The following ZC3H4 variants were observed in gnomAD, a reference collection of about 807,000 sequenced individuals.
ZC3H4 encodes the protein zinc finger CCCH-type containing 4.
A neutral mutation model predicts 108.3 loss-of-function variants in ZC3H4; 13 were observed. The ratio of observed to expected loss-of-function variants is 0.12; its 90% CI spans 0.08 to 0.19. ZC3H4 has a LOEUF of 0.19. Among genes scored for constraint, ZC3H4 ranks in the 10% least tolerant of loss-of-function variants. The pLI, the probability that ZC3H4 is intolerant of heterozygous loss-of-function variation, is 1.00. For missense variants in ZC3H4, 1,734 were observed against 1,838.8 expected, an observed-to-expected ratio of 0.94 and a Z score of 1.04; for synonymous variants, 917 against 749.6, an observed-to-expected ratio of 1.22 and a Z score of -3.65.
intron 4 of ZC3H4, among the ~76,000 whole-genome samples, chr19:47,093,241 T>A (rs996306472): frequency 1.5e-3 from 191 of 128,320 alleles, no homozygotes; most frequent in Middle Eastern, 0.013. Flanking sequence ...AAAAAAAAAA[T>A]GATTTGCTTT....
rs773853109 is a variant in ZC3H4, at chr19:47,090,001, G to A, written c.681C>T (p.Tyr227=). The A allele has an allele frequency of 6.2e-7, 1 of 1,614,054 alleles. No individual in the cohort carries two copies. Among genetic ancestry groups the A allele is most frequent in the African/African-American group, 1.3e-5 (1 of 74,904 alleles). ...GGCTGCTGCCCTCCTTGGCACGCCG[G>A]TACTGGTTCAGCTCTTTGGTGAAGT... The part of the protein sequence containing the change: ...YDDFTKELNQ[Y]RRAKEGSSRG... The change falls in exon 5 of 15, where the codon TAC becomes TAT. Residue 227 remains tyrosine (Y), a synonymous_variant. Coordinates refer to ENST00000253048, the MANE Select transcript of ZC3H4 (RefSeq NM_015168.2).
At chr19:47,082,767 C>T (rs2057546892) in intron 9 of ZC3H4, among the ~76,000 whole-genome samples, 1 of 152,176 alleles carries the variant, frequency 6.6e-6, no homozygotes, top group Non-Finnish European at 1.5e-5. Flanking sequence ...AGCCTAGGTC[C>T]CCCAGGGTAC....
intron 9 of ZC3H4, 26 bp from the exon 10 acceptor site, chr19:47,082,321 AGGT>A: frequency 6.4e-7 from 1 of 1,560,838 alleles, no homozygotes; most frequent in Non-Finnish European, 8.8e-7. Context: ...CAAAAACATA[AGGT>A]GGTGGCGTGG....
At chr19:47,092,202 C>G (rs2057745572) in intron 4 of ZC3H4, among the ~76,000 whole-genome samples, 1 of 152,072 alleles carries the variant, frequency 6.6e-6, no homozygotes, top group East Asian at 1.9e-4. Flanking sequence ...GAGATCCCAT[C>G]TCAATAAACA....
intron 2 of ZC3H4, 190 bp downstream of exon 2, chr19:47,112,234 C>A: frequency 8.5e-7 from 1 of 1,170,442 alleles, no homozygotes; most frequent in Non-Finnish European, 1.1e-6. Flanking sequence ...ACGCATGAGG[C>A]CGGGAGAGAA....
At chr19:47,100,124 C>T (rs1355669318) in intron 2 of ZC3H4, among the ~76,000 whole-genome samples, 1 of 152,158 alleles carries the variant, frequency 6.6e-6, no homozygotes, top group Non-Finnish European at 1.5e-5. Context: ...GCGGACTAGT[C>T]GTTTATTAGG....
intron 2 of ZC3H4, among the ~76,000 whole-genome samples, chr19:47,101,647 CG>C (rs1213740918): frequency 1.3e-5 from 2 of 151,718 alleles, no homozygotes; most frequent in Non-Finnish European, 2.9e-5. Flanking sequence ...CTGAGGCGGG[CG>C]GATCACTAGA....
At chr19:47,096,922 C>G in intron 2 of ZC3H4, 2 of 985,384 alleles carry the variant, frequency 2.0e-6, no homozygotes, top group Non-Finnish European at 2.4e-6. Flanking sequence ...TGTCCAACAC[C>G]GCGGCACAGC....
At position 47,066,421 on chromosome 19, in the gene ZC3H4, C is replaced by T. The variant is rs1333267670; in HGVS notation, c.3847G>A (p.Asp1283Asn). Residue 1283 changes from aspartate (D) to asparagine (N), a missense_variant, in exon 15 of 15, where the codon GAT (aspartate) becomes AAT (asparagine). By Grantham distance (23) the Asp-to-Asn change is conservative (BLOSUM62 1). Transcript: ENST00000253048. Reference sequence around the variant, plus strand: ...AAAACATCCTTCAGGGATGCCGCATCCTGCTCACCCTCGCGGGCCGGACTG... The same window carrying T: ...AAAACATCCTTCAGGGATGCCGCATTCTGCTCACCCTCGCGGGCCGGACTG... Reference protein sequence around the residue: ...GNSPAREGEQDAASLKDVFKG... With the variant: ...GNSPAREGEQNAASLKDVFKG... 3 of 1,569,878 alleles carry T rather than the reference C, an allele frequency of 1.9e-6. No individual in the cohort carries two copies. Among genetic ancestry groups the T allele is most frequent in the Non-Finnish European group, 2.6e-6 (3 of 1,160,482 alleles).
intron 5 of ZC3H4, among the ~76,000 whole-genome samples, chr19:47,089,619 C>T (rs1022802011): frequency 1.3e-5 from 2 of 152,172 alleles, no homozygotes; most frequent in East Asian, 1.9e-4. Flanking sequence ...GGTGATGGGG[C>T]TGGGAGAATG....
intron 5 of ZC3H4, among the ~76,000 whole-genome samples, chr19:47,089,389 C>A (rs2057691456): frequency 1.3e-5 from 2 of 151,970 alleles, no homozygotes; most frequent in African/African-American, 4.8e-5. Flanking sequence ...GTTGGTCAGG[C>A]TGGTCTCGAA....
intron 3 of ZC3H4, 113 bp from the exon 4 acceptor site, chr19:47,094,193 T>A: frequency 8.6e-7 from 1 of 1,168,042 alleles, no homozygotes; most frequent in Non-Finnish European, 1.2e-6. Flanking sequence ...GCGCTTCACC[T>A]GAAACACCTC....
intron 10 of ZC3H4, 102 bp downstream of exon 10, chr19:47,082,082 G>C (rs2057534591): frequency 9.8e-7 from 1 of 1,019,552 alleles, no homozygotes; most frequent in Non-Finnish European, 1.5e-6. Flanking sequence ...TCTTGGCACA[G>C]AGAGAAAGCA....
intron 11 of ZC3H4, among the ~76,000 whole-genome samples, chr19:47,079,672 C>T (rs949920526): frequency 6.6e-6 from 1 of 152,076 alleles, no homozygotes; most frequent in Non-Finnish European, 1.5e-5. Context: ...CCAAGGTGGG[C>T]GGATCACAAG....
At chr19:47,100,732 T>C (rs1600102809) in intron 2 of ZC3H4, among the ~76,000 whole-genome samples, 1 of 152,128 alleles carries the variant, frequency 6.6e-6, no homozygotes, top group East Asian at 1.9e-4. Context: ...GGGATCTTAC[T>C]CTGTCGCCCA....
At chr19:47,082,847 A>G (rs1326673316) in intron 9 of ZC3H4, among the ~76,000 whole-genome samples, 1 of 152,168 alleles carries the variant, frequency 6.6e-6, no homozygotes, top group Non-Finnish European at 1.5e-5. Flanking sequence ...ACAAATGTCT[A>G]TGTGTTGAAG....
chr19:47,081,731 G>T, intron 10 of ZC3H4, 109 bp from the exon 11 acceptor site: 1 of 976,330 alleles, frequency 1.0e-6, no homozygotes, highest in Non-Finnish European at 1.6e-6. Context: ...AGAAATCTGA[G>T]CCCAGAGAGG....
At chr19:47,089,839 C>G in intron 5 of ZC3H4, 128 bp downstream of exon 5, 4 of 923,894 alleles carry the variant, frequency 4.3e-6, no homozygotes, top group Non-Finnish European at 6.6e-6. Flanking sequence ...CATGCAGAGC[C>G]TGGCCCTTCT....
chr19:47,067,909 C>T lies in ZC3H4; in HGVS notation c.2399-40G>A, dbSNP rs1472988464. 1 of 1,526,206 alleles carries T rather than the reference C, an allele frequency of 6.6e-7. No homozygotes were observed. Among genetic ancestry groups the T allele is most frequent in the East Asian group, 2.4e-5 (1 of 41,526 alleles). 94.5% of individuals were successfully genotyped at this position (1,526,206 alleles called of 1,614,324 possible). ...AGGAGCAGGGAGGGGTGAGTGGGCG[C>T]ATCCACCACCCGCCCTCTTGGATCC... On this transcript the variant is annotated intron_variant, in intron 14 of 14. Coordinates refer to ENST00000253048, the MANE Select transcript of ZC3H4 (RefSeq NM_015168.2). This position sits in a 1 kb window ranked among gnomAD's most constrained non-coding sequence, Gnocchi z 6.4.
Sources: gnomAD v4.1 joint callset for allele counts (sites outside exome capture counted in the v4.1 genomes callset) on GRCh38, gnomAD v4.1.1 for gene constraint, Gnocchi (gnomAD v3.1) non-coding constraint, MANE v1.5 for transcripts, NCBI Gene and HGNC (gene_info 2026-07-23, HGNC 2026-07-21) for gene names.